TPO: variants seen among roughly 807,000 people sequenced by gnomAD.
The protein encoded by TPO is thyroid peroxidase, also known as thyroid microsomal antigen.
TPO carries 78 observed loss-of-function variants against 96.9 expected under a neutral mutation model. That is an observed-to-expected ratio of 0.81 (90% CI 0.67 to 0.97). TPO has a LOEUF of 0.97. Ranked by LOEUF, TPO falls within the 50% of genes least tolerant of loss-of-function variation. The probability of loss-of-function intolerance (pLI) is 0.00; values close to 1 mark genes in which losing one functional copy is unlikely to be tolerated. For missense variants in TPO, 1,252 were observed against 1,274.8 expected, an observed-to-expected ratio of 0.98 and a Z score of 0.27; for synonymous variants, 547 against 538.0, an observed-to-expected ratio of 1.02 and a Z score of -0.23.
At chr2:1,524,574 A>T (rs1463535792) in intron 15 of TPO, among the ~76,000 whole-genome samples, 1 of 65,930 alleles carries the variant, frequency 1.5e-5, no homozygotes, top group Non-Finnish European at 2.8e-5. Flanking sequence ...AACCCCCCCA[A>T]TCCCCCTACT....
chr2:1,542,298 C>G, intron 16 of TPO, 123 bp from the exon 17 acceptor site: 1 of 1,326,962 alleles, frequency 7.5e-7, no homozygotes, highest in Non-Finnish European at 1.1e-6. Context: ...GATGGCTCAT[C>G]TCGCCAGCGG....
chr2:1,398,517 G>A (rs990066209), intron 1 of TPO, among the ~76,000 whole-genome samples: 6 of 152,190 alleles, frequency 3.9e-5, no homozygotes, highest in Non-Finnish European at 8.8e-5. Context: ...CCCAGTGGGC[G>A]GCTCCTGTTG....
chr2:1,527,644 C>G (rs1455744763), intron 15 of TPO, among the ~76,000 whole-genome samples: 4 of 147,568 alleles, frequency 2.7e-5, no homozygotes, highest in African/African-American at 1.0e-4. Context: ...GCAGACTCCC[C>G]AAATCCCCCC....
At chr2:1,392,463 CACTTT>C (rs1662017041) in intron 1 of TPO, among the ~76,000 whole-genome samples, 2 of 152,148 alleles carry the variant, frequency 1.3e-5, no homozygotes, top group African/African-American at 4.8e-5. Context: ...GTCTAAAATT[CACTTT>C]TTTTGTTGTG....
At position 1,534,352 on chromosome 2, in the gene TPO, T is replaced by G. The variant is rs1679029577; in HGVS notation, c.2619-6242T>G. ...TCCCACTGTGTGCAACTTCCCTAAGTCGTCCAACTGTGTTCAACCTCCCCA... is the reference window on the plus strand; with the variant it reads ...TCCCACTGTGTGCAACTTCCCTAAGGCGTCCAACTGTGTTCAACCTCCCCA... On this transcript the variant is annotated intron_variant, in intron 15 of 16. Transcript: ENST00000329066. Among the ~76,000 whole-genome samples, 2 of 120,712 alleles carry G rather than the reference T, an allele frequency of 1.7e-5. 1 individual carries two copies. 79.2% of individuals were successfully genotyped at this position (120,712 alleles called of 152,430 possible). A position where few individuals can be genotyped will look rare whatever the true frequency, so the allele number is the denominator to read the frequency against.
At chr2:1,502,229 G>A (rs1320543007) in intron 13 of TPO, among the ~76,000 whole-genome samples, 2 of 152,108 alleles carry the variant, frequency 1.3e-5, no homozygotes, top group African/African-American at 4.8e-5. Context: ...GGAGGGGCTG[G>A]TTCCAGGGGC....
At chr2:1,510,244 A>G (rs1205958997) in intron 14 of TPO, among the ~76,000 whole-genome samples, 1 of 128,890 alleles carries the variant, frequency 7.8e-6, no homozygotes, top group Admixed American at 7.5e-5. Context: ...CCACATTCAC[A>G]GAGAGGAGCT....
chr2:1,533,992 T>C (rs1352220105), intron 15 of TPO, among the ~76,000 whole-genome samples: 17 of 43,306 alleles, frequency 3.9e-4, no homozygotes, highest in Admixed American at 5.7e-4. Flanking sequence ...CAAATCCCCA[T>C]CACTCTGTGT....
intron 6 of TPO, among the ~76,000 whole-genome samples, chr2:1,454,388 G>C (rs988620384): frequency 1.3e-5 from 2 of 152,208 alleles, no homozygotes; most frequent in African/African-American, 4.8e-5. Context: ...GTTCTGTTTA[G>C]CCCAAAGAGC....
intron 4 of TPO, among the ~76,000 whole-genome samples, chr2:1,435,885 C>T (rs1665518869): frequency 6.6e-6 from 1 of 152,124 alleles, no homozygotes; most frequent in Non-Finnish European, 1.5e-5. Context: ...GGCACACATG[C>T]CTCACTGTTC....
chr2:1,506,420 A>T (rs1271188426), intron 14 of TPO, among the ~76,000 whole-genome samples: 1 of 152,132 alleles, frequency 6.6e-6, no homozygotes, highest in Non-Finnish European at 1.5e-5. Context: ...TGCTGGGTCA[A>T]ATGGTATTTC....
chr2:1,425,975 G>A lies in TPO; in HGVS notation c.179+2846G>A, dbSNP rs374210902. Among the ~76,000 whole-genome samples the A allele has an allele frequency of 1.6e-3, 232 of 142,344 alleles. 2 individuals are homozygous for A. Among genetic ancestry groups the A allele is most frequent in the African/African-American group, 4.9e-3 (178 of 36,086 alleles). The allele number at this position is 142,344 out of a possible 152,430, so 93.4% of individuals were successfully genotyped here. A position where few individuals can be genotyped will look rare whatever the true frequency, so the allele number is the denominator to read the frequency against. ...ATACTCAGAAGTCCATGCTCCTTCT[G>A]TAAAGTCATTGTTCTAGATGCCAGG... On this transcript the variant is annotated intron_variant, in intron 3 of 16. Transcript: ENST00000329066.
intron 15 of TPO, among the ~76,000 whole-genome samples, chr2:1,519,167 T>G (rs6711545): frequency 0.048 from 7,276 of 152,316 alleles, 205 homozygotes; most frequent in South Asian, 0.12. Flanking sequence ...TCCAGAGCTC[T>G]AGGTCATAAA....
chr2:1,418,501 G>T (rs1326806146), intron 2 of TPO, among the ~76,000 whole-genome samples: 1 of 152,108 alleles, frequency 6.6e-6, no homozygotes, highest in Admixed American at 6.5e-5. Context: ...TTCAGCACCT[G>T]AAAATTCTGT....
At chr2:1,467,593 T>C (rs1476279597) in intron 7 of TPO, among the ~76,000 whole-genome samples, 2 of 152,204 alleles carry the variant, frequency 1.3e-5, no homozygotes, top group Non-Finnish European at 2.9e-5. Context: ...TTGAGGCTTA[T>C]TTTGAGACCT....
chr2:1,423,812 GCAAA>G (rs1484597024), intron 3 of TPO, among the ~76,000 whole-genome samples: 2 of 152,096 alleles, frequency 1.3e-5, no homozygotes, highest in Admixed American at 1.3e-4. Context: ...CATATTGGCT[GCAAA>G]CAAATTATTA....
intron 1 of TPO, among the ~76,000 whole-genome samples, chr2:1,375,182 G>A (rs921011717): frequency 7.9e-5 from 12 of 152,020 alleles, no homozygotes; most frequent in Non-Finnish European, 1.5e-4. Flanking sequence ...GCATTGCTTA[G>A]GGCTGAAAAA....
intron 15 of TPO, among the ~76,000 whole-genome samples, chr2:1,532,212 GCAACCTCCTCAAATCCCCCCACTGCC>G: frequency 2.4e-5 from 1 of 41,922 alleles, no homozygotes; most frequent in Non-Finnish European, 4.4e-5. Flanking sequence ...ACCACTGTGA[GCAACCTCCTCAAATCCCCCCACTGCC>G]TGCAACCTCC....
rs114569437 is a variant in TPO, at chr2:1,424,239, T to A, written c.179+1110T>A. Among the ~76,000 whole-genome samples, 561 of 152,264 alleles carry A rather than the reference T, an allele frequency of 3.7e-3. 1 individual carries two copies. The highest frequency in any genetic ancestry group is 0.013 in the African/African-American group (542 of 41,534). ...GATGTAACAGTTTTCTGACTGACAA[T>A]CAGCTGAAGGAATTATTATCAGTAG... On this transcript the variant is annotated intron_variant, in intron 3 of 16. Transcript: ENST00000329066.
Sources: gnomAD v4.1 joint callset for allele counts (sites outside exome capture counted in the v4.1 genomes callset) on GRCh38, gnomAD v4.1.1 for gene constraint, MANE v1.5 for transcripts, NCBI Gene and HGNC (gene_info 2026-07-23, HGNC 2026-07-21) for gene names.